The following ROBO1 variants were observed in gnomAD, a reference collection of about 807,000 sequenced individuals.
The protein encoded by ROBO1 is roundabout homolog 1.
In ROBO1, 149 loss-of-function variants were observed where a neutral mutation model predicts 195.9. The ratio of observed to expected loss-of-function variants is 0.76; its 90% CI spans 0.67 to 0.87. The LOEUF is 0.87. Ranked by LOEUF, ROBO1 falls within the 40% of genes least tolerant of loss-of-function variation. The pLI is 0.00. For synonymous variants in ROBO1, 816 were observed against 733.2 expected (o/e 1.11, Z -1.82); for missense variants, 1,933 against 2,068.3 (o/e 0.93, Z 1.27).
At chr3:79,607,043 C>A (rs1271818966) in intron 1 of ROBO1, among the ~76,000 whole-genome samples, 1 of 149,822 alleles carries the variant, frequency 6.7e-6, no homozygotes, top group Non-Finnish European at 1.5e-5. Context: ...AAGCATAATA[C>A]AGTTAATTTT....
At chr3:79,501,813 C>T (rs944745632) in intron 2 of ROBO1, among the ~76,000 whole-genome samples, 6 of 152,184 alleles carry the variant, frequency 3.9e-5, no homozygotes, top group Non-Finnish European at 5.9e-5. Context: ...AACATACATG[C>T]TTCCAAGGCC....
chr3:79,108,462 T>C (rs1370371885), intron 3 of ROBO1, among the ~76,000 whole-genome samples: 7 of 151,804 alleles, frequency 4.6e-5, no homozygotes, highest in Admixed American at 3.9e-4. Flanking sequence ...AGAAATGTAT[T>C]ATATTAAAAT....
At chr3:79,210,077 C>T (rs1434401994) in intron 2 of ROBO1, among the ~76,000 whole-genome samples, 1 of 152,060 alleles carries the variant, frequency 6.6e-6, no homozygotes, top group Non-Finnish European at 1.5e-5. Context: ...CAAATGGAAA[C>T]ACATCCCATG....
intron 2 of ROBO1, among the ~76,000 whole-genome samples, chr3:79,163,464 T>C (rs566496485): frequency 1.3e-5 from 2 of 152,268 alleles, no homozygotes; most frequent in African/African-American, 4.8e-5. Context: ...ATTTCAGCTG[T>C]TGTGAATAAC....
At chr3:79,516,245 A>T (rs1940938812) in intron 2 of ROBO1, among the ~76,000 whole-genome samples, 1 of 152,190 alleles carries the variant, frequency 6.6e-6, no homozygotes, top group Non-Finnish European at 1.5e-5. Flanking sequence ...AGATAACATA[A>T]GTTCTACTTG....
intron 2 of ROBO1, among the ~76,000 whole-genome samples, chr3:79,415,879 C>T (rs907886565): frequency 6.6e-6 from 1 of 152,000 alleles, no homozygotes; most frequent in Non-Finnish European, 1.5e-5. Context: ...TGGGTAACAA[C>T]GGGTTTCAAG....
chr3:79,142,378 C>A lies in ROBO1; in HGVS notation c.89-16839G>T, dbSNP rs73109184. 4.3e-3 allele frequency among the ~76,000 whole-genome samples: 656 copies of A among 152,220 alleles called. 2 individuals carry two copies. The highest frequency in any genetic ancestry group is 8.1e-3 in the Non-Finnish European group (553 of 68,004). On this transcript the variant is annotated intron_variant, in intron 2 of 30. Transcript: ENST00000464233. Reference sequence around the variant, plus strand: ...AGGCAGTCCTCTATAAATGTTCCTTCTTCTGGGAGTCAAGTGAGATGTGAC... The same window carrying A: ...AGGCAGTCCTCTATAAATGTTCCTTATTCTGGGAGTCAAGTGAGATGTGAC...
At chr3:78,879,764 T>C (rs1234749591) in intron 4 of ROBO1, among the ~76,000 whole-genome samples, 2 of 152,158 alleles carry the variant, frequency 1.3e-5, no homozygotes, top group East Asian at 3.9e-4. Flanking sequence ...AACTGGCTCT[T>C]GTTTTTCCTT....
At chr3:79,518,845 A>ATT (rs11291431) in intron 2 of ROBO1, among the ~76,000 whole-genome samples, 1 of 143,116 alleles carries the variant, frequency 7.0e-6, no homozygotes, top group Non-Finnish European at 1.5e-5. Flanking sequence ...CTAATTCTGT[A>ATT]TTTTTTTTTT....
intron 5 of ROBO1, among the ~76,000 whole-genome samples, chr3:78,744,701 T>C (rs1235527687): frequency 6.6e-6 from 1 of 152,154 alleles, no homozygotes; most frequent in Admixed American, 6.6e-5. Context: ...ATTCCATCAA[T>C]TTTTTGAGGT....
chr3:78,664,448 T>A (rs1287719007), intron 14 of ROBO1, among the ~76,000 whole-genome samples: 2 of 152,114 alleles, frequency 1.3e-5, no homozygotes, highest in Admixed American at 1.3e-4. Flanking sequence ...TAACTAACAA[T>A]GGTAACAACA....
chr3:78,807,486 T>C (rs2084582669), intron 4 of ROBO1, among the ~76,000 whole-genome samples: 1 of 152,112 alleles, frequency 6.6e-6, no homozygotes, highest in African/African-American at 2.4e-5. Flanking sequence ...TGGTGAAAAA[T>C]GTTGCTGTGT....
chr3:78,948,315 C>A (rs1689434886), intron 3 of ROBO1, among the ~76,000 whole-genome samples: 1 of 152,188 alleles, frequency 6.6e-6, no homozygotes, highest in Non-Finnish European at 1.5e-5. Context: ...GCTTATCCAC[C>A]ATGATCAAGT....
chr3:79,724,175 GCT>G, intron 1 of ROBO1, among the ~76,000 whole-genome samples: 1 of 152,242 alleles, frequency 6.6e-6, no homozygotes, highest in Non-Finnish European at 1.5e-5. Context: ...TGTTTTGTTT[GCT>G]CTTTTATTTC....
At chr3:78,993,800 G>A (rs1019859010) in intron 3 of ROBO1, among the ~76,000 whole-genome samples, 2 of 152,014 alleles carry the variant, frequency 1.3e-5, no homozygotes, top group Admixed American at 6.6e-5. Flanking sequence ...TTCTACTTCT[G>A]TAAAAACAAG....
intron 1 of ROBO1, among the ~76,000 whole-genome samples, chr3:79,649,289 TAAC>T (rs1945928374): frequency 6.6e-6 from 1 of 152,010 alleles, no homozygotes; most frequent in Admixed American, 6.6e-5. Flanking sequence ...GTTGAACACA[TAAC>T]AATTGTCATA....
intron 4 of ROBO1, among the ~76,000 whole-genome samples, chr3:78,930,678 T>C (rs1260935087): frequency 6.6e-6 from 1 of 152,178 alleles, no homozygotes; most frequent in Non-Finnish European, 1.5e-5. Flanking sequence ...CTCTCTAAAA[T>C]TAAGCCAAAT....
intron 2 of ROBO1, among the ~76,000 whole-genome samples, chr3:79,441,389 A>G (rs890295224): frequency 6.6e-6 from 1 of 152,078 alleles, no homozygotes; most frequent in Non-Finnish European, 1.5e-5. Flanking sequence ...TGTCTGTGTG[A>G]TTTCAAACTA....
intron 2 of ROBO1, among the ~76,000 whole-genome samples, chr3:79,227,452 A>C (rs79549393): frequency 0.017 from 2,574 of 152,234 alleles, 69 homozygotes; most frequent in African/African-American, 0.057. Context: ...CTAATGCAGT[A>C]TTGTTATCCA....
Sources: gnomAD v4.1 joint callset for allele counts (sites outside exome capture counted in the v4.1 genomes callset) on GRCh38, gnomAD v4.1.1 for gene constraint, MANE v1.5 for transcripts, NCBI Gene and HGNC (gene_info 2026-07-23, HGNC 2026-07-21) for gene names.